The following B3GALT1 variants were observed in gnomAD, a reference collection of about 807,000 sequenced individuals.
B3GALT1 encodes UDP-Gal:betaGlcNAc beta 1,3-galactosyltransferase, polypeptide 1.
In B3GALT1, 10 loss-of-function variants were observed where a neutral mutation model predicts 23.2. The ratio of observed to expected loss-of-function variants is 0.43; its 90% confidence interval spans 0.27 to 0.73. The LOEUF is 0.73. Ranked by LOEUF, B3GALT1 falls within the 30% of genes least tolerant of loss-of-function variation. The probability of loss-of-function intolerance (pLI) is 0.21; values close to 1 mark genes in which losing one functional copy is unlikely to be tolerated. For missense variants in B3GALT1, 299 were observed against 405.4 expected (o/e 0.74, Z 2.25); for synonymous variants, 156 against 141.5 (o/e 1.10, Z -0.73).
At chr2:167,855,666 C>A (rs1689987286) in intron 4 of B3GALT1, among the ~76,000 whole-genome samples, 1 of 152,062 alleles carries the variant, frequency 6.6e-6, no homozygotes, top group South Asian at 2.1e-4. Flanking sequence ...TAGAGAATGG[C>A]AAGTGAGATA....
intron 1 of B3GALT1, among the ~76,000 whole-genome samples, chr2:167,391,818 C>T (rs1479147217): frequency 6.6e-6 from 1 of 152,124 alleles, no homozygotes; most frequent in Admixed American, 6.5e-5. Flanking sequence ...TACTTTGTCT[C>T]AACTTTCTAT....
intron 1 of B3GALT1, among the ~76,000 whole-genome samples, chr2:167,426,756 A>G (rs1305427366): frequency 2.6e-5 from 4 of 152,212 alleles, no homozygotes; most frequent in African/African-American, 7.2e-5. Flanking sequence ...AAGGATGCAC[A>G]TGCACTGCCG....
chr2:167,571,778 A>C (rs1040264394), intron 2 of B3GALT1, among the ~76,000 whole-genome samples: 11 of 152,030 alleles, frequency 7.2e-5, no homozygotes, highest in Non-Finnish European at 1.5e-4. Flanking sequence ...TGCAGTATAC[A>C]TGCCGGCATG....
At chr2:167,504,067 C>T (rs1699884426) in intron 2 of B3GALT1, among the ~76,000 whole-genome samples, 1 of 152,184 alleles carries the variant, frequency 6.6e-6, no homozygotes, top group Admixed American at 6.5e-5. Context: ...CAAGAACTTC[C>T]TGGCTTCCTG....
At chr2:167,708,829 G>A (rs1371920435) in intron 3 of B3GALT1, among the ~76,000 whole-genome samples, 1 of 152,134 alleles carries the variant, frequency 6.6e-6, no homozygotes, top group African/African-American at 2.4e-5. Context: ...GTGTCTGCAA[G>A]AGGAATGGAG....
At chr2:167,341,618 C>T (rs183881570) in intron 1 of B3GALT1, among the ~76,000 whole-genome samples, 5 of 152,004 alleles carry the variant, frequency 3.3e-5, no homozygotes, top group African/African-American at 9.7e-5. Context: ...GCCGAGATCA[C>T]ACCACTGCAC....
chr2:167,665,190 C>G (rs1686151908), intron 3 of B3GALT1, among the ~76,000 whole-genome samples: 2 of 149,504 alleles, frequency 1.3e-5, no homozygotes, highest in Admixed American at 1.3e-4. Flanking sequence ...TGAATTTTGT[C>G]AAAGGCCTTT....
At chr2:167,306,994 T>A (rs1696561945) in intron 1 of B3GALT1, among the ~76,000 whole-genome samples, 1 of 152,032 alleles carries the variant, frequency 6.6e-6, no homozygotes. Flanking sequence ...TTTGTAAAAG[T>A]TTACCCAATT....
chr2:167,538,272 AAAC>A (rs1189890990), intron 2 of B3GALT1, among the ~76,000 whole-genome samples: 1 of 152,196 alleles, frequency 6.6e-6, no homozygotes, highest in African/African-American at 2.4e-5. Context: ...TAAACACTAT[AAAC>A]AAACTTGGTT....
At chr2:167,494,252 TC>T (rs1699748186) in intron 2 of B3GALT1, among the ~76,000 whole-genome samples, 1 of 151,698 alleles carries the variant, frequency 6.6e-6, no homozygotes, top group African/African-American at 2.4e-5. Context: ...AATAAATAGA[TC>T]AAATGCAATA....
chr2:167,673,337 A>C (rs1281456095), intron 3 of B3GALT1, among the ~76,000 whole-genome samples: 2 of 152,158 alleles, frequency 1.3e-5, no homozygotes, highest in Non-Finnish European at 2.9e-5. Flanking sequence ...TGAAAGATAG[A>C]AAATGCATTA....
chr2:167,457,209 G>A (rs907902377), intron 1 of B3GALT1, among the ~76,000 whole-genome samples: 1 of 151,922 alleles, frequency 6.6e-6, no homozygotes, highest in African/African-American at 2.4e-5. Context: ...GTCTTACTTT[G>A]TCACCCAGGC....
chr2:167,765,947 T>G (rs909033266), intron 3 of B3GALT1, among the ~76,000 whole-genome samples: 2 of 152,230 alleles, frequency 1.3e-5, no homozygotes, highest in Non-Finnish European at 2.9e-5. Flanking sequence ...ATTTGAGAGA[T>G]GAACAAACCT....
At chr2:167,633,658 CA>C (rs1373872027) in intron 2 of B3GALT1, among the ~76,000 whole-genome samples, 1 of 151,926 alleles carries the variant, frequency 6.6e-6, no homozygotes, top group East Asian at 1.9e-4. Context: ...TATATGCACC[CA>C]ATACAGGAGC....
At chr2:167,715,613 T>C in intron 3 of B3GALT1, 2 of 1,613,932 alleles carry the variant, frequency 1.2e-6, no homozygotes, top group South Asian at 2.2e-5. Context: ...TTCTTTTAAC[T>C]CTATTTCTAG....
At chr2:167,563,387 G>T (rs868460112) in intron 2 of B3GALT1, among the ~76,000 whole-genome samples, 8 of 136,660 alleles carry the variant, frequency 5.9e-5, no homozygotes, top group Non-Finnish European at 1.1e-4. Flanking sequence ...CCTCCCGGAC[G>T]GGGCGGCTGG....
intron 3 of B3GALT1, among the ~76,000 whole-genome samples, chr2:167,818,044 C>G (rs1416775065): frequency 1.3e-5 from 2 of 152,112 alleles, no homozygotes; most frequent in Non-Finnish European, 2.9e-5. Flanking sequence ...CCCTCTGGAC[C>G]TTTTTTATCA....
At chr2:167,474,713 C>T (rs1184232666) in intron 1 of B3GALT1, among the ~76,000 whole-genome samples, 1 of 152,150 alleles carries the variant, frequency 6.6e-6, no homozygotes, top group Non-Finnish European at 1.5e-5. Flanking sequence ...TAGTTGTCAA[C>T]AGTATTTTAA....
chr2:167,377,633 A>C (rs908657105), intron 1 of B3GALT1, among the ~76,000 whole-genome samples: 1 of 152,068 alleles, frequency 6.6e-6, no homozygotes, highest in Admixed American at 6.6e-5. Context: ...TCTGACATAA[A>C]AACAGTGACC....
Sources: allele counts gnomAD v4.1 joint callset (sites outside exome capture counted in the v4.1 genomes callset), GRCh38; gene constraint gnomAD v4.1.1; transcripts MANE v1.5; gene names NCBI Gene and HGNC (gene_info 2026-07-23, HGNC 2026-07-21).